The following MIDEAS variants were observed in gnomAD, a reference collection of about 807,000 sequenced individuals.
MIDEAS encodes mitotic deacetylase-associated SANT domain protein.
A neutral mutation model predicts 102.7 loss-of-function variants in MIDEAS; 26 were observed. That is an observed-to-expected ratio of 0.25 (90% CI 0.19 to 0.35). MIDEAS has a LOEUF of 0.35. Among genes scored for constraint, MIDEAS ranks in the 10% least tolerant of loss-of-function variants. The pLI is 1.00. For synonymous variants in MIDEAS, 585 were observed against 591.0 expected (o/e 0.99, Z 0.15); for missense variants, 1,231 against 1,435.6 (o/e 0.86, Z 2.30).
intron 1 of MIDEAS, among the ~76,000 whole-genome samples, chr14:73,751,194 TGAG>T (rs2053414288): frequency 6.6e-6 from 1 of 152,226 alleles, no homozygotes; most frequent in East Asian, 1.9e-4. Flanking sequence ...ACAAGAAATC[TGAG>T]AAGACCTTAG....
intron 2 of MIDEAS, 44 bp from the exon 3 acceptor site, chr14:73,737,341 T>C (rs150205889): frequency 0.012 from 18,391 of 1,574,248 alleles, 124 homozygotes; most frequent in Non-Finnish European, 0.014. Flanking sequence ...AGGTAAGTCA[T>C]AGCCAGGCGC....
intron 1 of MIDEAS, among the ~76,000 whole-genome samples, chr14:73,782,443 T>A (rs1362048058): frequency 6.6e-6 from 1 of 152,088 alleles, no homozygotes; most frequent in African/African-American, 2.4e-5. Context: ...TCCTCCTACC[T>A]CAGCCTCCCA....
chr14:73,778,081 G>A (rs777140025), intron 1 of MIDEAS, among the ~76,000 whole-genome samples: 4 of 151,962 alleles, frequency 2.6e-5, no homozygotes, highest in African/African-American at 7.2e-5. Context: ...GGGGCCAGGC[G>A]TGGTGGCTCA....
chr14:73,762,023 C>G (rs1171212857), upstream of MIDEAS, among the ~76,000 whole-genome samples: 1 of 152,236 alleles, frequency 6.6e-6, no homozygotes, highest in Non-Finnish European at 1.5e-5. Flanking sequence ...TGCCTGATTT[C>G]TTCCCTCCCA....
intron 1 of MIDEAS, among the ~76,000 whole-genome samples, chr14:73,783,908 G>T (rs1406465303): frequency 6.6e-6 from 1 of 152,158 alleles, no homozygotes; most frequent in Non-Finnish European, 1.5e-5. Context: ...GGTGGGTTGT[G>T]ATGTCAAAAC....
At chr14:73,757,416 C>G (rs1181614292) in intron 1 of MIDEAS, among the ~76,000 whole-genome samples, 1 of 151,996 alleles carries the variant, frequency 6.6e-6, no homozygotes, top group Non-Finnish European at 1.5e-5. Flanking sequence ...CACAGCAACT[C>G]TATGAAGGAG....
rs1390673377 is a variant in MIDEAS at position 73,721,403 on chromosome 14, T to A, written c.2831A>T (p.Glu944Val). The A allele has an allele frequency of 6.2e-7, 1 of 1,613,928 alleles. No homozygotes were observed. Among genetic ancestry groups the A allele is most frequent in the African/African-American group, 1.3e-5 (1 of 74,878 alleles). The change falls in exon 11 of 13, where the codon GAG becomes GTG. Residue 944 changes from glutamate (E) to valine (V), a missense_variant. Physicochemically the swap from Glu to Val is moderately radical, Grantham distance 121 (BLOSUM62 -2). This residue lies in a region of MIDEAS where 391 missense variants were observed against 483.0 expected (regional missense o/e 0.81). Transcript: ENST00000423556. ...CTTCTCTTGGATCTCTGGCACCTCC[T>A]CCTCCCCCTCCTTCCTGGGCTCCTT... ...EVKEPRKEGE[E>V]EVPEIQEKEE...
At chr14:73,727,145 G>T in intron 5 of MIDEAS, 173 bp from the exon 6 acceptor site, 1 of 791,222 alleles carries the variant, frequency 1.3e-6, no homozygotes, top group Non-Finnish European at 2.0e-6. Context: ...GGCACCACCA[G>T]AAAGGCAAGG....
At position 73,718,604 on chromosome 14, in the gene MIDEAS, C is replaced by T; in HGVS notation, c.*239G>A. The T allele has an allele frequency of 2.7e-6, 1 of 372,298 alleles. No individual in the cohort carries two copies. The highest frequency in any genetic ancestry group is 4.7e-6 in the Non-Finnish European group (1 of 212,882). 23.1% of individuals were successfully genotyped at this position (372,298 alleles called of 1,614,324 possible). ...CCGGGACTCTCCCGGTCCAGGAAAG[C>T]ACGAGGACAGCTTCCGACAGACCAA... is the stretch of plus-strand genomic sequence containing the variant. On this transcript the variant is annotated 3_prime_UTR_variant, in exon 13 of 13. Transcript: ENST00000423556.
chr14:73,750,006 A>C (rs1228427495), intron 1 of MIDEAS, among the ~76,000 whole-genome samples: 1 of 152,216 alleles, frequency 6.6e-6, no homozygotes, highest in African/African-American at 2.4e-5. Context: ...CTTGTCAGGC[A>C]GCCCTGCTTT....
At chr14:73,741,728 GC>G (rs925376205) in intron 1 of MIDEAS, among the ~76,000 whole-genome samples, 4 of 152,256 alleles carry the variant, frequency 2.6e-5, no homozygotes, top group Middle Eastern at 3.4e-3. Flanking sequence ...CTCACTGAGG[GC>G]CCCCTCCCTA....
chr14:73,743,868 C>T lies in MIDEAS; in HGVS notation c.-247-3613G>A, dbSNP rs559267642. Among the ~76,000 whole-genome samples the T allele has an allele frequency of 2.4e-4, 37 of 152,200 alleles. No homozygotes were observed. The South Asian group carries it at 7.5e-3, about 31-fold the overall frequency. ...CCTGTCAGTCTGTTTGACTGTCACG[C>T]TCTATTCACTTTTCCCTTCCTCCAG... is the stretch of plus-strand genomic sequence containing the variant. On this transcript the variant is annotated intron_variant, in intron 1 of 12. Coordinates refer to ENST00000423556, the MANE Select transcript of MIDEAS (RefSeq NM_001367710.1).
At position 73,739,707 on chromosome 14, in the gene MIDEAS, A is replaced by C; in HGVS notation, c.302T>G (p.Val101Gly). 5.0e-6 allele frequency: 8 copies of C among 1,613,824 alleles called. No individual in the cohort carries two copies. Among genetic ancestry groups the C allele is most frequent in the Non-Finnish European group, 6.8e-6 (8 of 1,179,970 alleles). The change falls in exon 2 of 13, where the codon GTG (valine) becomes GGG (glycine). Residue 101 changes from valine to glycine, a missense_variant. Val to Gly is a moderately radical substitution (Grantham distance 109). Around this residue, in one of 5 missense-constraint regions of MIDEAS, gnomAD observed 758 missense variants for 856.0 expected, o/e 0.89. Coordinates refer to ENST00000423556, the MANE Select transcript of MIDEAS (RefSeq NM_001367710.1). ...QVASVKWPNSVMAPGRGPERG... is the reference protein window; with the variant it reads ...QVASVKWPNSGMAPGRGPERG... ...CTCCGGGCCCCGCCCTGGAGCCATC[A>C]CAGAGTTGGGCCACTTTACTGAGGC...
At chr14:73,748,522 C>T (rs2053381381) in intron 1 of MIDEAS, among the ~76,000 whole-genome samples, 1 of 151,748 alleles carries the variant, frequency 6.6e-6, no homozygotes, top group African/African-American at 2.4e-5. Context: ...CACAGTGAGA[C>T]TCTGTACCAA....
In MIDEAS at chr14:73,725,442, TG is replaced by T. The variant is rs1156979796; in HGVS notation, c.2486-83del. ...GGCAATTTTGACAAGCAAAAAAGTG[TG>T]AGGCCATCCGCCCATGGTTTCTGCA... On this transcript the variant is annotated intron_variant, in intron 8 of 12. Coordinates refer to ENST00000423556, the MANE Select transcript of MIDEAS (RefSeq NM_001367710.1). This position sits in a 1 kb window ranked among gnomAD's most constrained non-coding sequence, Gnocchi z 4.1. 4 of 1,144,692 alleles carry T rather than the reference TG, an allele frequency of 3.5e-6. No individual in the cohort carries two copies. The highest frequency in any genetic ancestry group is 4.0e-6 in the Non-Finnish European group (3 of 757,472). The allele number at this position is 1,144,692 out of a possible 1,614,324, so 70.9% of individuals were successfully genotyped here.
At position 73,738,677 on chromosome 14, in the gene MIDEAS, C is replaced by A. The variant is rs757269389; in HGVS notation, c.1332G>T (p.Gln444His). ...TCTGGATCACTCCGCCCCGTAGCAC[C>A]TGCCCACAGTCCCCTGTGCTCACTG... is the stretch of plus-strand genomic sequence containing the variant. ...MRAVSTGDCG[Q>H]VLRGGVIQST... The change falls in exon 2 of 13, where the codon CAG (glutamine) becomes CAT (histidine). Residue 444 changes from glutamine (Q) to histidine (H), a missense_variant. Gln to His is a conservative substitution (Grantham distance 24, BLOSUM62 0). Transcript: ENST00000423556. 1.2e-6 allele frequency: 2 copies of A among 1,613,774 alleles called. No homozygotes were observed. The highest frequency in any genetic ancestry group is 3.3e-5 in the Admixed American group (2 of 59,986).
At chr14:73,761,052 T>G (rs2053549978), upstream of MIDEAS, among the ~76,000 whole-genome samples, 1 of 152,064 alleles carries the variant, frequency 6.6e-6, no homozygotes, top group East Asian at 1.9e-4. Flanking sequence ...GTGTGTCCTA[T>G]TCTTCCTTCC....
intron 1 of MIDEAS, among the ~76,000 whole-genome samples, chr14:73,766,330 T>A (rs1195432622): frequency 6.6e-6 from 1 of 152,224 alleles, no homozygotes; most frequent in Non-Finnish European, 1.5e-5. Flanking sequence ...TGGTGGGTGC[T>A]CAGTGAATGC....
At chr14:73,772,964 G>A (rs1039899457) in intron 1 of MIDEAS, among the ~76,000 whole-genome samples, 2 of 151,804 alleles carry the variant, frequency 1.3e-5, no homozygotes, top group East Asian at 1.9e-4. Context: ...TCAGCCTCCC[G>A]AGTAGCTAGG....
Sources: allele counts gnomAD v4.1 joint callset (sites outside exome capture counted in the v4.1 genomes callset), GRCh38; gene constraint gnomAD v4.1.1; regional missense constraint gnomAD v4.1.1; non-coding constraint Gnocchi (gnomAD v3.1); transcripts MANE v1.5; gene names NCBI Gene and HGNC (gene_info 2026-07-23, HGNC 2026-07-21).